Variants in BCKDHB observed in about 807,000 individuals in gnomAD.
BCKDHB encodes branched chain keto acid dehydrogenase E1 subunit beta.
A neutral mutation model predicts 48.5 loss-of-function variants in BCKDHB; 41 were observed. The ratio of observed to expected loss-of-function variants is 0.85; its 90% CI spans 0.66 to 1.10. The LOEUF (loss-of-function observed/expected upper bound fraction) is 1.10, where lower values mean the gene tolerates loss of function less well. BCKDHB is among the 50% of genes least tolerant of loss of function. The probability of loss-of-function intolerance (pLI) is 0.00; values close to 1 mark genes in which losing one functional copy is unlikely to be tolerated. For synonymous variants in BCKDHB, 201 were observed against 174.8 expected, an observed-to-expected ratio of 1.15 and a Z score of -1.18; for missense variants, 496 against 494.2, an observed-to-expected ratio of 1.00 and a Z score of -0.03.
At chr6:80,404,869 T>C in the BCKDHB span, among the ~76,000 whole-genome samples, 46 of 152,254 alleles carry the variant, frequency 3.0e-4, no homozygotes, top group East Asian at 8.3e-3. Flanking sequence ...TCTCCTGTTA[T>C]TGATTTCTAG....
chr6:80,321,613 G>C (rs1350913082), intron 9 of BCKDHB, among the ~76,000 whole-genome samples: 1 of 152,008 alleles, frequency 6.6e-6, no homozygotes, highest in Non-Finnish European at 1.5e-5. Flanking sequence ...TATTTTTCGT[G>C]AATCCACTGA....
rs141884638 is a variant in BCKDHB, at chr6:80,175,264, A to G, written c.742+3874A>G. ...TTAAAGAATAACTTGAAGATTGCAC[A>G]CATTAAATTTCGCTTCCCACGGGTC... On this transcript the variant is annotated intron_variant, in intron 6 of 9. Coordinates refer to ENST00000320393, the MANE Select transcript of BCKDHB (RefSeq NM_183050.4). Among the ~76,000 whole-genome samples the G allele has an allele frequency of 1.7e-3, 265 of 152,334 alleles. 1 individual carries two copies. Among genetic ancestry groups the G allele is most frequent in the African/African-American group, 6.0e-3 (251 of 41,586 alleles).
At chr6:80,393,146 T>A in the BCKDHB span, among the ~76,000 whole-genome samples, 14 of 152,134 alleles carry the variant, frequency 9.2e-5, no homozygotes, top group Non-Finnish European at 1.5e-4. Context: ...ACAGAACTCT[T>A]TTGCTTTCTC....
chr6:80,141,752 C>T (rs924952199), intron 3 of BCKDHB, among the ~76,000 whole-genome samples: 2 of 151,946 alleles, frequency 1.3e-5, no homozygotes, highest in African/African-American at 4.8e-5. Flanking sequence ...GAAAATGAGA[C>T]CATGTGTATT....
chr6:80,408,567 T>C, the BCKDHB span, among the ~76,000 whole-genome samples: 2 of 152,192 alleles, frequency 1.3e-5, no homozygotes, highest in Non-Finnish European at 2.9e-5. Context: ...ATTCAACTTC[T>C]TCCTGGTTTA....
intron 9 of BCKDHB, among the ~76,000 whole-genome samples, chr6:80,291,972 A>G (rs546100067): frequency 3.1e-4 from 47 of 152,326 alleles, no homozygotes; most frequent in Admixed American, 2.7e-3. Flanking sequence ...AATCTTAGAT[A>G]AGACTTCTTA....
the BCKDHB span, among the ~76,000 whole-genome samples, chr6:80,369,586 G>C: frequency 6.6e-6 from 1 of 152,224 alleles, no homozygotes; most frequent in African/African-American, 2.4e-5. Context: ...GGTTTGGCAT[G>C]TGGAAAGACT....
At chr6:80,313,374 T>C (rs548920658) in intron 9 of BCKDHB, among the ~76,000 whole-genome samples, 3 of 152,160 alleles carry the variant, frequency 2.0e-5, no homozygotes, top group African/African-American at 7.2e-5. Context: ...GTTTTGTTTT[T>C]CTTTGAGATG....
chr6:80,379,229 A>C, the BCKDHB span, among the ~76,000 whole-genome samples: 7 of 152,090 alleles, frequency 4.6e-5, no homozygotes, highest in Non-Finnish European at 8.8e-5. Flanking sequence ...AACATAAAAA[A>C]AAATCCATCA....
At chr6:80,403,449 T>C in the BCKDHB span, among the ~76,000 whole-genome samples, 3 of 152,006 alleles carry the variant, frequency 2.0e-5, no homozygotes, top group Non-Finnish European at 4.4e-5. Context: ...GCAAGTTTAC[T>C]AAATTCACTC....
At chr6:80,142,777 A>T (rs1771287632) in intron 3 of BCKDHB, among the ~76,000 whole-genome samples, 1 of 152,144 alleles carries the variant, frequency 6.6e-6, no homozygotes, top group Non-Finnish European at 1.5e-5. Context: ...TTTCTAAAGA[A>T]AAACCACATG....
intron 8 of BCKDHB, among the ~76,000 whole-genome samples, chr6:80,220,393 TTCTTTAGTAGTG>T (rs1185651080): frequency 7.1e-6 from 1 of 141,584 alleles, no homozygotes; most frequent in Non-Finnish European, 1.5e-5. Context: ...TTATCTCTGT[TTCTTTAGTAGTG>T]TTTTTTTTTT....
chr6:80,377,359 A>T, the BCKDHB span, among the ~76,000 whole-genome samples: 1 of 152,072 alleles, frequency 6.6e-6, no homozygotes, highest in African/African-American at 2.4e-5. Context: ...TATGAAGTCC[A>T]ATTTATCTAA....
chr6:80,400,854 T>G, the BCKDHB span, among the ~76,000 whole-genome samples: 40 of 152,044 alleles, frequency 2.6e-4, 2 homozygotes, highest in South Asian at 8.3e-3. Flanking sequence ...GAAAATGTAG[T>G]ACATATACAC....
chr6:80,121,179 G>A (rs1769998035), intron 1 of BCKDHB, among the ~76,000 whole-genome samples: 1 of 152,120 alleles, frequency 6.6e-6, no homozygotes, highest in African/African-American at 2.4e-5. Flanking sequence ...TTGTAGATTT[G>A]TGGCATTATT....
At chr6:80,256,390 A>G (rs1271268044) in intron 8 of BCKDHB, among the ~76,000 whole-genome samples, 11 of 152,180 alleles carry the variant, frequency 7.2e-5, no homozygotes, top group Non-Finnish European at 1.6e-4. Flanking sequence ...GCTGTACTGA[A>G]TATTGTAGGC....
At chr6:80,357,212 A>G in the BCKDHB span, among the ~76,000 whole-genome samples, 2 of 152,240 alleles carry the variant, frequency 1.3e-5, no homozygotes, top group South Asian at 2.1e-4. Context: ...GGAACTAGCA[A>G]CTGTGGGAAG....
At chr6:80,171,502 G>A (rs1322419566) in intron 6 of BCKDHB, 112 bp downstream of exon 6, 9 of 672,986 alleles carry the variant, frequency 1.3e-5, no homozygotes, top group Non-Finnish European at 2.2e-5. Context: ...TTTCCTTGTA[G>A]AAAGAATCTT....
chr6:80,408,026 C>A, the BCKDHB span, among the ~76,000 whole-genome samples: 3 of 152,094 alleles, frequency 2.0e-5, no homozygotes, highest in Non-Finnish European at 4.4e-5. Context: ...GAGCTACATT[C>A]CATCGACACC....
Sources: allele counts gnomAD v4.1 joint callset (sites outside exome capture counted in the v4.1 genomes callset), GRCh38; gene constraint gnomAD v4.1.1; transcripts MANE v1.5; gene names NCBI Gene and HGNC (gene_info 2026-07-23, HGNC 2026-07-21).